Variants in MACROD2 observed in about 807,000 individuals in gnomAD.
MACROD2 encodes the protein mono-ADP ribosylhydrolase 2, also known as ADP-ribose glycohydrolase MACROD2.
A neutral mutation model predicts 70.4 loss-of-function variants in MACROD2; 36 were observed. That is an observed-to-expected ratio of 0.51 (90% confidence interval 0.39 to 0.68). MACROD2 has a LOEUF of 0.68. Among genes scored for constraint, MACROD2 ranks in the 30% least tolerant of loss-of-function variants. The pLI is 0.00. For missense variants in MACROD2, 496 were observed against 538.4 expected (o/e 0.92, Z 0.78); for synonymous variants, 172 against 178.8 (o/e 0.96, Z 0.30).
intron 6 of MACROD2, among the ~76,000 whole-genome samples, chr20:15,398,021 C>T (rs1279833533): frequency 6.6e-6 from 1 of 152,090 alleles, no homozygotes; most frequent in African/African-American, 2.4e-5. Context: ...GTTTCCCATA[C>T]CGAGAGTCAG....
chr20:15,671,096 G>T (rs1209706321), intron 8 of MACROD2, among the ~76,000 whole-genome samples: 18 of 152,152 alleles, frequency 1.2e-4, no homozygotes, highest in Admixed American at 1.2e-3. Flanking sequence ...TGCAATGGTT[G>T]TCAGCCAGTC....
intron 5 of MACROD2, among the ~76,000 whole-genome samples, chr20:14,900,307 C>T (rs1220769458): frequency 2.6e-5 from 4 of 151,902 alleles, no homozygotes; most frequent in East Asian, 1.9e-4. Flanking sequence ...TTTTAGTATC[C>T]GAATAATACT....
At chr20:14,034,676 A>G (rs2053286246) in intron 2 of MACROD2, among the ~76,000 whole-genome samples, 1 of 152,224 alleles carries the variant, frequency 6.6e-6, no homozygotes, top group Non-Finnish European at 1.5e-5. Context: ...CTGTTTTAAC[A>G]TTCGTCAGCC....
intron 12 of MACROD2, among the ~76,000 whole-genome samples, chr20:15,943,151 A>G (rs1198408220): frequency 1.3e-5 from 2 of 152,194 alleles, no homozygotes; most frequent in African/African-American, 4.8e-5. Context: ...CAAAAGAGAA[A>G]GACTACATAC....
At chr20:14,591,417 G>C (rs1981761846) in intron 4 of MACROD2, among the ~76,000 whole-genome samples, 1 of 152,100 alleles carries the variant, frequency 6.6e-6, no homozygotes, top group Non-Finnish European at 1.5e-5. Context: ...AAATTACGTA[G>C]TATAGCTAGA....
intron 4 of MACROD2, among the ~76,000 whole-genome samples, chr20:14,579,297 G>A (rs945536868): frequency 2.7e-5 from 4 of 150,920 alleles, no homozygotes; most frequent in East Asian, 1.9e-4. Flanking sequence ...GCCCGCCACC[G>A]CGCCCGGCTA....
At chr20:15,589,524 A>G (rs188777262) in intron 8 of MACROD2, among the ~76,000 whole-genome samples, 12 of 152,278 alleles carry the variant, frequency 7.9e-5, no homozygotes, top group Admixed American at 2.6e-4. Flanking sequence ...ACCTACATTG[A>G]CATGTCATTA....
chr20:15,547,448 T>C (rs2048039904), intron 8 of MACROD2, among the ~76,000 whole-genome samples: 1 of 152,182 alleles, frequency 6.6e-6, no homozygotes, highest in Admixed American at 6.5e-5. Context: ...TTCTATTCCA[T>C]GTTCTTGATG....
rs1228638972 is a variant in MACROD2, at chr20:14,326,703, A to G, written c.272-166776A>G. The G allele has an allele frequency of 6.8e-6, 11 of 1,613,666 alleles. No homozygotes were observed. The highest frequency in any genetic ancestry group is 9.3e-6 in the Non-Finnish European group (11 of 1,179,836). ...CCAGTCGATAGAGCTGCCTTAGATAAGAAAAAGCATTTGGGGGCACCCGAT... is the reference window on the plus strand; with the variant it reads ...CCAGTCGATAGAGCTGCCTTAGATAGGAAAAAGCATTTGGGGGCACCCGAT... On this transcript the variant is annotated intron_variant, in intron 3 of 17. Coordinates refer to ENST00000684519, the MANE Select transcript of MACROD2 (RefSeq NM_001351661.2). This position sits in a 1 kb window ranked among gnomAD's most constrained non-coding sequence, Gnocchi z 5.5.
chr20:15,888,395 T>C (rs976036177), intron 10 of MACROD2, among the ~76,000 whole-genome samples: 1 of 152,142 alleles, frequency 6.6e-6, no homozygotes, highest in African/African-American at 2.4e-5. Flanking sequence ...CCTTGGAGTA[T>C]CTTTTAGCTA....
intron 4 of MACROD2, among the ~76,000 whole-genome samples, chr20:14,617,182 C>A (rs1443767342): frequency 6.6e-6 from 1 of 152,134 alleles, no homozygotes; most frequent in Non-Finnish European, 1.5e-5. Context: ...GTTTGGGTGA[C>A]AACTCACTCT....
chr20:14,641,452 G>A lies in MACROD2; in HGVS notation c.302-43391G>A, dbSNP rs2184110. ...AATGTTCCTAATGATATTTAGAATG[G>A]TAAATCCTTTCCAGAAGGTTTTCAG... On this transcript the variant is annotated intron_variant, in intron 4 of 17. Coordinates refer to ENST00000684519, the MANE Select transcript of MACROD2 (RefSeq NM_001351661.2). Among the ~76,000 whole-genome samples the A allele has an allele frequency of 4.9e-3, 747 of 152,258 alleles. 11 individuals carry two copies. The highest frequency in any genetic ancestry group is 0.017 in the African/African-American group (710 of 41,520).
intron 3 of MACROD2, among the ~76,000 whole-genome samples, chr20:14,295,985 A>C (rs984606935): frequency 5.9e-5 from 9 of 151,812 alleles, no homozygotes; most frequent in Non-Finnish European, 1.2e-4. Flanking sequence ...CTTGCACATC[A>C]ATAGAGTAGT....
At chr20:15,034,236 T>C (rs1380733837) in intron 5 of MACROD2, among the ~76,000 whole-genome samples, 1 of 152,194 alleles carries the variant, frequency 6.6e-6, no homozygotes, top group East Asian at 1.9e-4. Context: ...CTACCAAATT[T>C]GATGGTTGGA....
intron 5 of MACROD2, among the ~76,000 whole-genome samples, chr20:15,068,957 G>A (rs980962545): frequency 6.6e-6 from 1 of 152,172 alleles, no homozygotes; most frequent in Non-Finnish European, 1.5e-5. Flanking sequence ...CAACTTCTTA[G>A]AGACTTGTTA....
At position 15,986,832 on chromosome 20, in the gene MACROD2, G is replaced by C. The variant is rs775690203; in HGVS notation, c.1060+31G>C. The C allele has an allele frequency of 2.2e-5, 34 of 1,521,096 alleles. No homozygotes were observed. The South Asian group carries it at 3.8e-4, about 17-fold the overall frequency. 94.2% of individuals were successfully genotyped at this position (1,521,096 alleles called of 1,614,324 possible). The stretch of plus-strand genomic sequence containing the variant: ...GAAACCAAAATATATTGTTATCAGA[G>C]AATGAGATGAAACTGTGAATCATGA... On this transcript the variant is annotated intron_variant, in intron 14 of 17. Coordinates refer to ENST00000684519, the MANE Select transcript of MACROD2 (RefSeq NM_001351661.2).
chr20:15,427,107 A>G (rs2046308513), intron 6 of MACROD2, among the ~76,000 whole-genome samples: 2 of 152,162 alleles, frequency 1.3e-5, no homozygotes, highest in South Asian at 2.1e-4. Context: ...TTTTACATAA[A>G]ATGAATTTTT....
intron 4 of MACROD2, among the ~76,000 whole-genome samples, chr20:14,645,277 G>A (rs1366576133): frequency 6.6e-6 from 1 of 151,996 alleles, no homozygotes; most frequent in Non-Finnish European, 1.5e-5. Context: ...TTTAATATGA[G>A]TCTGTTGAAT....
intron 11 of MACROD2, among the ~76,000 whole-genome samples, chr20:15,935,509 A>G (rs547411077): frequency 2.6e-5 from 4 of 152,200 alleles, no homozygotes; most frequent in East Asian, 1.9e-4. Context: ...AAATAAAAGT[A>G]TCTTCTTTTC....
Sources: gnomAD v4.1 joint callset for allele counts (sites outside exome capture counted in the v4.1 genomes callset) on GRCh38, gnomAD v4.1.1 for gene constraint, Gnocchi (gnomAD v3.1) non-coding constraint, MANE v1.5 for transcripts, NCBI Gene and HGNC (gene_info 2026-07-23, HGNC 2026-07-21) for gene names.